SERINC5: variants seen among roughly 807,000 people sequenced by gnomAD.
SERINC5 encodes chromosome 5 open reading frame 12.
SERINC5 carries 41 observed loss-of-function variants against 63.1 expected under a neutral mutation model. That is an observed-to-expected ratio of 0.65 (90% confidence interval 0.51 to 0.84). The LOEUF (loss-of-function observed/expected upper bound fraction) is 0.84, where lower values mean the gene tolerates loss of function less well. SERINC5 is among the 40% of genes least tolerant of loss of function. The pLI, the probability that SERINC5 is intolerant of heterozygous loss-of-function variation, is 0.00. For missense variants in SERINC5, 523 were observed against 573.0 expected, an observed-to-expected ratio of 0.91 and a Z score of 0.89; for synonymous variants, 222 against 215.2, an observed-to-expected ratio of 1.03 and a Z score of -0.28.
chr5:80,200,816 AG>A (rs1214538665), intron 2 of SERINC5, among the ~76,000 whole-genome samples: 3 of 139,934 alleles, frequency 2.1e-5, no homozygotes, highest in African/African-American at 8.0e-5. Context: ...GTTTCAGGCC[AG>A]GCATGGTGGC....
At chr5:80,177,490 G>C in intron 3 of SERINC5, 93 bp from the exon 4 acceptor site, 1 of 994,556 alleles carries the variant, frequency 1.0e-6, no homozygotes, top group Non-Finnish European at 1.5e-6. Context: ...GTCAATCCAT[G>C]ATTCTGCCAT....
intron 11 of SERINC5, among the ~76,000 whole-genome samples, chr5:80,114,226 T>C (rs1040867497): frequency 6.6e-6 from 1 of 152,018 alleles, no homozygotes; most frequent in Non-Finnish European, 1.5e-5. Context: ...GGAGGTTTAA[T>C]TGACTCACAG....
chr5:80,143,672 G>T lies in SERINC5; in HGVS notation c.1377C>A (p.Phe459Leu), dbSNP rs1207945279. The change falls in exon 12 of 12, where the codon TTC becomes TTA. Residue 459 changes from phenylalanine to leucine, a missense_variant. Phe to Leu is a conservative substitution (Grantham distance 22). Transcript: ENST00000507668. The part of the protein sequence containing the change: ...VAPLCCPTRE[F>L]SV ...GGGACCGCCGATATCATCACACAGA[G>T]AACTCCCGGGTGGGGCAGCAGAGGG... The T allele has an allele frequency of 8.5e-6, 13 of 1,536,014 alleles. No homozygotes were observed. The highest frequency in any genetic ancestry group is 1.4e-5 in the African/African-American group (1 of 73,136).
At chr5:80,182,008 T>G (rs1033872651) in intron 2 of SERINC5, among the ~76,000 whole-genome samples, 2 of 152,262 alleles carry the variant, frequency 1.3e-5, no homozygotes, top group African/African-American at 4.8e-5. Flanking sequence ...TGCACAATGT[T>G]TAATCAGTAA....
chr5:80,188,152 G>A (rs140990296), intron 2 of SERINC5, among the ~76,000 whole-genome samples: 1,525 of 151,832 alleles, frequency 0.01, 23 homozygotes, highest in African/African-American at 0.035. Context: ...GGTGCATGGC[G>A]GGCACCTGTA....
At chr5:80,149,897 CTGT>C (rs780386939) in intron 9 of SERINC5, among the ~76,000 whole-genome samples, 20 of 152,152 alleles carry the variant, frequency 1.3e-4, no homozygotes, top group Non-Finnish European at 2.2e-4. Context: ...TTAGACCTTG[CTGT>C]TGTTGGTAGA....
chr5:80,153,459 A>T (rs1326539649), intron 8 of SERINC5, among the ~76,000 whole-genome samples: 2 of 148,378 alleles, frequency 1.3e-5, no homozygotes, highest in African/African-American at 5.2e-5. Flanking sequence ...CTCTTCTTGG[A>T]ATTATCAAGA....
At position 80,142,817 on chromosome 5, in the gene SERINC5, G is replaced by C; in HGVS notation, c.*846C>G. The C allele has an allele frequency of 1.0e-6, 1 of 985,376 alleles. No individual in the cohort carries two copies. The highest frequency in any genetic ancestry group is 1.2e-6 in the Non-Finnish European group (1 of 829,888). The allele number at this position is 985,376 out of a possible 1,614,324, so 61.0% of individuals were successfully genotyped here. A position where few individuals can be genotyped will look rare whatever the true frequency, so the allele number is the denominator to read the frequency against. Reference sequence around the variant, plus strand: ...TTATCATTATCAACAGCACAAACAAGTAAGAATGATAGCCCTCCATTGCTT... The same window carrying C: ...TTATCATTATCAACAGCACAAACAACTAAGAATGATAGCCCTCCATTGCTT... On this transcript the variant is annotated 3_prime_UTR_variant, in exon 12 of 12. Transcript: ENST00000507668.
intron 5 of SERINC5, 103 bp downstream of exon 5, chr5:80,174,851 G>A (rs1347196518): frequency 2.8e-6 from 2 of 707,638 alleles, no homozygotes; most frequent in African/African-American, 1.8e-5. Context: ...AGGTATAAAG[G>A]GAAACAAAAC....
chr5:80,255,870 C>T, intron 1 of SERINC5, 26 bp downstream of exon 1: 2 of 1,589,558 alleles, frequency 1.3e-6, no homozygotes, highest in South Asian at 1.1e-5. Flanking sequence ...TCTGACAACC[C>T]CCGCGCTGCG....
intron 2 of SERINC5, among the ~76,000 whole-genome samples, chr5:80,180,949 A>G (rs1748378213): frequency 6.6e-6 from 1 of 152,136 alleles, no homozygotes; most frequent in Non-Finnish European, 1.5e-5. Context: ...TTTTATGGGA[A>G]GATACACATC....
rs528295228 is a variant in SERINC5 at position 80,247,534 on chromosome 5, T to C, written c.27+8362A>G. Among the ~76,000 whole-genome samples the C allele has an allele frequency of 5.1e-4, 77 of 152,234 alleles. 1 individual carries two copies. The highest frequency in any genetic ancestry group is 4.1e-3 in the Admixed American group (63 of 15,282). The stretch of plus-strand genomic sequence containing the variant: ...CAAAGCTATTTGTCAGCTGGACAGG[T>C]CAGCTACAGAGCTGCCCAAGAAAAC... On this transcript the variant is annotated intron_variant, in intron 1 of 11. Transcript: ENST00000507668.
chr5:80,199,529 C>T (rs10071671), intron 2 of SERINC5, among the ~76,000 whole-genome samples: 16,820 of 152,180 alleles, frequency 0.11, 974 homozygotes, highest in East Asian at 0.16. Context: ...TCAAATGATC[C>T]GTTAACAGTC....
intron 1 of SERINC5, among the ~76,000 whole-genome samples, chr5:80,233,024 T>C (rs945307692): frequency 1.3e-5 from 2 of 152,176 alleles, no homozygotes; most frequent in African/African-American, 4.8e-5. Flanking sequence ...AAAACTAAGT[T>C]GTCATGATGG....
intron 1 of SERINC5, among the ~76,000 whole-genome samples, chr5:80,217,447 G>A (rs1275293759): frequency 1.3e-5 from 2 of 152,154 alleles, no homozygotes; most frequent in Non-Finnish European, 2.9e-5. Flanking sequence ...CCAGCTAGAT[G>A]CCCGTATGCT....
intron 1 of SERINC5, among the ~76,000 whole-genome samples, chr5:80,248,074 A>C (rs968338588): frequency 2.6e-5 from 4 of 151,408 alleles, no homozygotes; most frequent in African/African-American, 9.7e-5. Context: ...CTGGTCTCTA[A>C]CTCCTGGGCT....
chr5:80,159,863 C>G (rs1053971834), intron 7 of SERINC5, among the ~76,000 whole-genome samples: 25 of 152,374 alleles, frequency 1.6e-4, no homozygotes, highest in African/African-American at 5.8e-4. Flanking sequence ...GCCACACCAA[C>G]TGCATGGAGA....
chr5:80,125,386 C>A (rs897435395), intron 11 of SERINC5, among the ~76,000 whole-genome samples: 1 of 152,202 alleles, frequency 6.6e-6, no homozygotes, highest in African/African-American at 2.4e-5. Flanking sequence ...CCGAAATGAA[C>A]CTTGAAAATC....
intron 2 of SERINC5, among the ~76,000 whole-genome samples, chr5:80,185,706 C>T (rs1288881983): frequency 6.6e-6 from 1 of 151,984 alleles, no homozygotes; most frequent in Non-Finnish European, 1.5e-5. Flanking sequence ...GAATGGGAGT[C>T]GCAAGGTGCT....
Sources: allele counts gnomAD v4.1 joint callset (sites outside exome capture counted in the v4.1 genomes callset), GRCh38; gene constraint gnomAD v4.1.1; transcripts MANE v1.5; gene names NCBI Gene and HGNC (gene_info 2026-07-23, HGNC 2026-07-21).